Variants in IMMP2L observed in about 807,000 individuals in gnomAD.
IMMP2L encodes the protein mitochondrial inner membrane protease subunit 2.
A neutral mutation model predicts 19.3 loss-of-function variants in IMMP2L; 18 were observed. The ratio of observed to expected loss-of-function variants is 0.93; its 90% CI spans 0.64 to 1.38. The LOEUF (loss-of-function observed/expected upper bound fraction) is 1.38, where lower values mean the gene tolerates loss of function less well. IMMP2L is among the 40% of genes most tolerant of loss of function. IMMP2L has a pLI of 0.00. For missense variants in IMMP2L, 233 were observed against 218.2 expected, an observed-to-expected ratio of 1.07 and a Z score of -0.43; for synonymous variants, 76 against 73.0, an observed-to-expected ratio of 1.04 and a Z score of -0.21.
chr7:111,370,720 T>G (rs1015363723), intron 3 of IMMP2L, among the ~76,000 whole-genome samples: 1 of 151,926 alleles, frequency 6.6e-6, no homozygotes, highest in Non-Finnish European at 1.5e-5. Context: ...AAAGGCAGCA[T>G]GTTAACGAGA....
chr7:110,775,327 T>C (rs185716541), intron 5 of IMMP2L, among the ~76,000 whole-genome samples: 2 of 151,562 alleles, frequency 1.3e-5, no homozygotes, highest in African/African-American at 2.4e-5. Context: ...AGTGTGTACA[T>C]TTACAAAACA....
chr7:111,196,478 G>A, intron 3 of IMMP2L, among the ~76,000 whole-genome samples: 1 of 152,140 alleles, frequency 6.6e-6, no homozygotes, highest in East Asian at 1.9e-4. Context: ...TGTAAATTAG[G>A]AGATTATGAA....
At chr7:110,806,374 CAT>C (rs1801640041) in intron 5 of IMMP2L, among the ~76,000 whole-genome samples, 1 of 151,798 alleles carries the variant, frequency 6.6e-6, no homozygotes, top group South Asian at 2.1e-4. Flanking sequence ...AATAGATTAA[CAT>C]GATAAAATGT....
chr7:111,254,397 C>A (rs1452019904), intron 3 of IMMP2L, among the ~76,000 whole-genome samples: 1 of 152,012 alleles, frequency 6.6e-6, no homozygotes. Context: ...AAATATGGAA[C>A]ATTTTTGTTT....
chr7:111,455,137 A>C (rs531757828), intron 3 of IMMP2L, among the ~76,000 whole-genome samples: 2 of 151,958 alleles, frequency 1.3e-5, no homozygotes, highest in African/African-American at 4.8e-5. Context: ...TAATACAAAC[A>C]ATTCTTTTCC....
chr7:111,529,996 T>A (rs955064707), intron 1 of IMMP2L, among the ~76,000 whole-genome samples: 1 of 152,130 alleles, frequency 6.6e-6, no homozygotes, highest in Non-Finnish European at 1.5e-5. Context: ...TGCACACCCT[T>A]CCCTCTGATT....
chr7:110,974,699 T>C (rs1255519200), intron 3 of IMMP2L, among the ~76,000 whole-genome samples: 1 of 152,108 alleles, frequency 6.6e-6, no homozygotes, highest in Admixed American at 6.6e-5. Context: ...TTCCTCTAAT[T>C]CTTTACATCC....
intron 3 of IMMP2L, among the ~76,000 whole-genome samples, chr7:111,463,471 G>T (rs1840325485): frequency 6.6e-6 from 1 of 152,004 alleles, no homozygotes. Flanking sequence ...TTGGCAAATG[G>T]GAGGCACCTG....
chr7:111,113,167 A>G (rs1799443873), intron 3 of IMMP2L, among the ~76,000 whole-genome samples: 1 of 152,172 alleles, frequency 6.6e-6, no homozygotes, highest in Non-Finnish European at 1.5e-5. Context: ...AATGTTCTTC[A>G]TTCTCTATCT....
rs1210458178 is a variant in IMMP2L at position 110,803,211 on chromosome 7, G to A, written c.408+83382C>T. Among the ~76,000 whole-genome samples, 4 of 152,026 alleles carry A rather than the reference G, an allele frequency of 2.6e-5. No homozygotes were observed. In the South Asian group the frequency reaches 6.2e-4, roughly 24 times the overall value. The stretch of plus-strand genomic sequence containing the variant: ...TGGACATAATCTCTGAGATAGGAAT[G>A]AATAGTAGGAGCTGTGTAGGGGATG... On this transcript the variant is annotated intron_variant, in intron 5 of 5. Coordinates refer to ENST00000405709, the MANE Select transcript of IMMP2L (RefSeq NM_032549.4). This position sits in a 1 kb window ranked among gnomAD's most constrained non-coding sequence, Gnocchi z 4.2.
At chr7:111,033,871 T>A (rs1787246321) in intron 3 of IMMP2L, among the ~76,000 whole-genome samples, 1 of 152,058 alleles carries the variant, frequency 6.6e-6, no homozygotes, top group African/African-American at 2.4e-5. Flanking sequence ...ATCAACAGAT[T>A]AACAGATAAA....
chr7:111,380,418 C>A lies in IMMP2L; in HGVS notation c.239+106820G>T, dbSNP rs148489173. On this transcript the variant is annotated intron_variant, in intron 3 of 5. Coordinates refer to ENST00000405709, the MANE Select transcript of IMMP2L (RefSeq NM_032549.4). ...CAGACTGATAACAACACTCAGAATG[C>A]AATAGAAGCAAAACTATTCACCTAA... Among the ~76,000 whole-genome samples, 269 of 151,990 alleles carry A rather than the reference C, an allele frequency of 1.8e-3. 2 individuals carry two copies. Among genetic ancestry groups the A allele is most frequent in the African/African-American group, 6.2e-3 (256 of 41,498 alleles).
At chr7:110,996,319 A>T (rs947591394) in intron 3 of IMMP2L, among the ~76,000 whole-genome samples, 2 of 152,084 alleles carry the variant, frequency 1.3e-5, no homozygotes, top group Non-Finnish European at 2.9e-5. Flanking sequence ...GGAGGGAAAA[A>T]CTACAACACA....
intron 3 of IMMP2L, among the ~76,000 whole-genome samples, chr7:111,417,597 G>A (rs113668677): frequency 3.3e-5 from 5 of 151,876 alleles, no homozygotes; most frequent in African/African-American, 9.7e-5. Context: ...CCTCTGTCAC[G>A]AATGTGTCCC....
chr7:111,396,583 G>T (rs1338646105), intron 3 of IMMP2L, among the ~76,000 whole-genome samples: 1 of 151,956 alleles, frequency 6.6e-6, no homozygotes, highest in African/African-American at 2.4e-5. Context: ...GGGTTGACAG[G>T]TGCAGCAAAC....
chr7:110,946,846 G>C (rs1033620875), intron 4 of IMMP2L, among the ~76,000 whole-genome samples: 2 of 146,116 alleles, frequency 1.4e-5, no homozygotes, highest in Non-Finnish European at 3.0e-5. Context: ...TCAGCCTCCC[G>C]AGTAGCTGGG....
At chr7:110,913,620 A>G (rs1259835361) in intron 4 of IMMP2L, among the ~76,000 whole-genome samples, 1 of 152,160 alleles carries the variant, frequency 6.6e-6, no homozygotes, top group Non-Finnish European at 1.5e-5. Flanking sequence ...AAAAATGTGC[A>G]AACTTATTTC....
intron 5 of IMMP2L, among the ~76,000 whole-genome samples, chr7:110,847,672 T>C (rs990546797): frequency 3.3e-5 from 5 of 152,092 alleles, no homozygotes; most frequent in African/African-American, 1.2e-4. Flanking sequence ...AAAGCTACAG[T>C]AATCAAAACA....
intron 3 of IMMP2L, among the ~76,000 whole-genome samples, chr7:111,065,161 T>A (rs1794376223): frequency 6.6e-6 from 1 of 152,232 alleles, no homozygotes; most frequent in Non-Finnish European, 1.5e-5. Context: ...TAAAAACATG[T>A]TTGTGCATGT....
Sources: allele counts gnomAD v4.1 joint callset (sites outside exome capture counted in the v4.1 genomes callset), GRCh38; gene constraint gnomAD v4.1.1; non-coding constraint Gnocchi (gnomAD v3.1); transcripts MANE v1.5; gene names NCBI Gene and HGNC (gene_info 2026-07-23, HGNC 2026-07-21).